The following CRPPA variants were observed in gnomAD, a reference collection of about 807,000 sequenced individuals.
The protein encoded by CRPPA is CDP-L-ribitol pyrophosphorylase A.
In CRPPA, 43 loss-of-function variants were observed where a neutral mutation model predicts 52.0. That is an observed-to-expected ratio of 0.83 (90% CI 0.65 to 1.07). The LOEUF (loss-of-function observed/expected upper bound fraction) is 1.07. Among genes scored for constraint, CRPPA ranks in the 50% least tolerant of loss-of-function variants. The probability of loss-of-function intolerance (pLI) is 0.00; values close to 1 mark genes in which losing one functional copy is unlikely to be tolerated. For missense variants in CRPPA, 629 were observed against 551.7 expected (o/e 1.14, Z -1.40); for synonymous variants, 250 against 203.5 (o/e 1.23, Z -1.94).
chr7:16,385,030 T>C (rs1787218989), intron 2 of CRPPA, among the ~76,000 whole-genome samples: 1 of 152,094 alleles, frequency 6.6e-6, no homozygotes, highest in South Asian at 2.1e-4. Flanking sequence ...ATAACTATAA[T>C]GAACATTTAT....
At chr7:16,235,963 T>C (rs1284517246) in intron 8 of CRPPA, 1 of 152,060 alleles carries the variant, frequency 6.6e-6, no homozygotes, top group African/African-American at 2.4e-5. Flanking sequence ...CGGTGACTCA[T>C]CATTTCAAGC....
rs898615618 is a variant in CRPPA at position 16,403,134 on chromosome 7, AG to A, written c.534+2926del. Among the ~76,000 whole-genome samples, 23 of 151,940 alleles carry A rather than the reference AG, an allele frequency of 1.5e-4. No homozygotes were observed. In the South Asian group the frequency reaches 2.1e-3, roughly 14 times the overall value. On this transcript the variant is annotated intron_variant, in intron 2 of 9. Coordinates refer to ENST00000407010, the MANE Select transcript of CRPPA (RefSeq NM_001101426.4). Reference sequence around the variant, plus strand: ...GACATAACCTAATTTCAAAATAGTGAGGGGGGGAAAAAAACAGTTGTAGACT... The same window carrying A: ...GACATAACCTAATTTCAAAATAGTGAGGGGGGAAAAAAACAGTTGTAGACT...
chr7:16,335,098 C>T (rs548022639), intron 3 of CRPPA, among the ~76,000 whole-genome samples: 1 of 126,628 alleles, frequency 7.9e-6, no homozygotes, highest in Non-Finnish European at 1.6e-5. Context: ...GGCAGGAGAA[C>T]TGCTTGAGTG....
intron 9 of CRPPA, among the ~76,000 whole-genome samples, chr7:16,165,180 T>A (rs898625796): frequency 1.3e-5 from 2 of 151,638 alleles, no homozygotes; most frequent in African/African-American, 4.8e-5. Context: ...TACCTAAATT[T>A]AATATTTATA....
intron 2 of CRPPA, among the ~76,000 whole-genome samples, chr7:16,377,653 G>C (rs1786930280): frequency 6.6e-6 from 1 of 152,136 alleles, no homozygotes; most frequent in Admixed American, 6.5e-5. Flanking sequence ...ATTTTGGTAA[G>C]AACAGACTCT....
intron 9 of CRPPA, among the ~76,000 whole-genome samples, chr7:16,092,043 T>C (rs1414100620): frequency 6.6e-6 from 1 of 152,190 alleles, no homozygotes; most frequent in African/African-American, 2.4e-5. Flanking sequence ...CAATTTCAAA[T>C]GCTAACAGAA....
intron 9 of CRPPA, among the ~76,000 whole-genome samples, chr7:16,196,312 C>A (rs1027457235): frequency 1.1e-4 from 17 of 152,086 alleles, no homozygotes; most frequent in African/African-American, 3.6e-4. Flanking sequence ...ATTCCCACTT[C>A]ATGTAGCTAT....
intron 9 of CRPPA, among the ~76,000 whole-genome samples, chr7:16,134,662 T>A (rs140586550): frequency 1.2e-3 from 178 of 152,282 alleles, no homozygotes; most frequent in South Asian, 2.9e-3. Context: ...CAAGAACACT[T>A]GCTGAAGTTT....
intron 9 of CRPPA, among the ~76,000 whole-genome samples, chr7:16,093,861 T>C (rs1781886174): frequency 6.6e-6 from 1 of 152,136 alleles, no homozygotes; most frequent in Non-Finnish European, 1.5e-5. Context: ...CACACATCTA[T>C]TCCTAAGTCT....
At chr7:16,155,113 C>T (rs1783152735) in intron 9 of CRPPA, among the ~76,000 whole-genome samples, 1 of 151,978 alleles carries the variant, frequency 6.6e-6, no homozygotes. Flanking sequence ...AGCCGCCACC[C>T]CAGGCCTCAA....
At position 16,419,322 on chromosome 7, in the gene CRPPA, CCTAA is replaced by C. The variant is rs201551996; in HGVS notation, c.257+1740_257+1743del. ...GAAATTAGGACAGTGAAAGATCAGT[CCTAA>C]CTAACTCCATCTTGCTTCTAACCAT... On this transcript the variant is annotated intron_variant, in intron 1 of 9. Coordinates refer to ENST00000407010, the MANE Select transcript of CRPPA (RefSeq NM_001101426.4). 9.7e-3 allele frequency among the ~76,000 whole-genome samples: 1,472 copies of C among 152,294 alleles called. 27 individuals are homozygous for C. Among genetic ancestry groups the C allele is most frequent in the African/African-American group, 0.034 (1,399 of 41,554 alleles).
intron 3 of CRPPA, among the ~76,000 whole-genome samples, chr7:16,350,624 A>T (rs73684158): frequency 0.021 from 3,224 of 152,190 alleles, 105 homozygotes; most frequent in African/African-American, 0.072. Flanking sequence ...ATGATTTTTT[A>T]AAAAGTGATC....
intron 8 of CRPPA, among the ~76,000 whole-genome samples, chr7:16,224,203 G>A (rs1311295433): frequency 2.0e-5 from 3 of 152,142 alleles, no homozygotes; most frequent in East Asian, 3.9e-4. Context: ...TCAGCTCTAC[G>A]CAAGCTTTAT....
At chr7:16,338,981 A>AT (rs544538382) in intron 3 of CRPPA, among the ~76,000 whole-genome samples, 39 of 150,896 alleles carry the variant, frequency 2.6e-4, no homozygotes, top group African/African-American at 6.6e-4. Flanking sequence ...ACGCCGGCTA[A>AT]TTTTTTTTTG....
At chr7:16,110,048 G>A (rs1290193886) in intron 9 of CRPPA, among the ~76,000 whole-genome samples, 1 of 151,796 alleles carries the variant, frequency 6.6e-6, no homozygotes, top group Non-Finnish European at 1.5e-5. Flanking sequence ...TATATAGAAA[G>A]CTGTTAACAG....
At chr7:16,400,238 T>G (rs958545861) in intron 2 of CRPPA, among the ~76,000 whole-genome samples, 1 of 152,092 alleles carries the variant, frequency 6.6e-6, no homozygotes, top group African/African-American at 2.4e-5. Context: ...TGACACAAGA[T>G]CTACACATGA....
chr7:16,208,990 G>A, intron 9 of CRPPA: 1 of 418,734 alleles, frequency 2.4e-6, no homozygotes, highest in Non-Finnish European at 4.8e-6. Flanking sequence ...TGAGAAGTGT[G>A]GCAAGCACCA....
intron 8 of CRPPA, among the ~76,000 whole-genome samples, chr7:16,217,047 C>T (rs11981581): frequency 7.3e-4 from 111 of 151,486 alleles, no homozygotes; most frequent in African/African-American, 2.4e-3. Context: ...CCCTGTCTGA[C>T]AGCTTTGAAG....
At chr7:16,242,489 C>A (rs574295003) in intron 8 of CRPPA, among the ~76,000 whole-genome samples, 1 of 152,136 alleles carries the variant, frequency 6.6e-6, no homozygotes, top group East Asian at 1.9e-4. Context: ...TGGAAAAATG[C>A]AATCTGACAG....
Sources: allele counts gnomAD v4.1 joint callset (sites outside exome capture counted in the v4.1 genomes callset), GRCh38; gene constraint gnomAD v4.1.1; transcripts MANE v1.5; gene names NCBI Gene and HGNC (gene_info 2026-07-23, HGNC 2026-07-21).